Variants in TTC27 observed in about 807,000 individuals in gnomAD.
TTC27 encodes tetratricopeptide repeat domain 27.
A neutral mutation model predicts 115.9 loss-of-function variants in TTC27; 79 were observed. The observed-to-expected ratio is 0.68, with a 90% CI of 0.57 to 0.82. TTC27 has a LOEUF of 0.82. TTC27 is among the 40% of genes least tolerant of loss of function. The probability of loss-of-function intolerance (pLI) is 0.00; values close to 1 mark genes in which losing one functional copy is unlikely to be tolerated. For missense variants in TTC27, 1,054 were observed against 993.1 expected (o/e 1.06, Z -0.82); for synonymous variants, 401 against 356.0 (o/e 1.13, Z -1.42).
intron 10 of TTC27, among the ~76,000 whole-genome samples, chr2:32,721,881 G>A (rs1353659884): frequency 6.6e-6 from 1 of 152,090 alleles, no homozygotes; most frequent in African/African-American, 2.4e-5. Flanking sequence ...ACTTCCCAAA[G>A]CACTGGGATT....
chr2:32,695,651 G>A (rs577181348), intron 9 of TTC27, among the ~76,000 whole-genome samples: 2 of 150,636 alleles, frequency 1.3e-5, no homozygotes, highest in Non-Finnish European at 3.0e-5. Flanking sequence ...CCCTGGAGGC[G>A]GAGGTTGCAG....
intron 3 of TTC27, among the ~76,000 whole-genome samples, chr2:32,637,352 G>C (rs971387664): frequency 2.7e-5 from 4 of 150,940 alleles, no homozygotes; most frequent in Admixed American, 2.6e-4. Context: ...TTTTTTTTCA[G>C]ACGGAGTCTC....
chr2:32,715,044 A>T (rs973437365), intron 10 of TTC27, among the ~76,000 whole-genome samples: 8 of 151,820 alleles, frequency 5.3e-5, no homozygotes, highest in African/African-American at 1.9e-4. Context: ...TACTCTGTTG[A>T]TTGTTTTGTT....
chr2:32,735,146 T>A (rs917998818), intron 11 of TTC27, among the ~76,000 whole-genome samples: 2 of 152,228 alleles, frequency 1.3e-5, no homozygotes, highest in African/African-American at 4.8e-5. Flanking sequence ...TAGGTTATAT[T>A]CTTAAACACA....
At chr2:32,648,054 C>A (rs1406430849) in intron 4 of TTC27, among the ~76,000 whole-genome samples, 1 of 152,024 alleles carries the variant, frequency 6.6e-6, no homozygotes, top group Non-Finnish European at 1.5e-5. Flanking sequence ...GGAATGTAAA[C>A]CTTTGTCACT....
chr2:32,672,506 A>G, intron 8 of TTC27, 122 bp downstream of exon 8: 1 of 666,438 alleles, frequency 1.5e-6, no homozygotes, highest in Non-Finnish European at 2.6e-6. Context: ...TGTAGTGCTT[A>G]TGAAGATCAG....
chr2:32,752,560 C>A (rs1250201910), intron 12 of TTC27, among the ~76,000 whole-genome samples: 2 of 152,198 alleles, frequency 1.3e-5, no homozygotes, highest in African/African-American at 2.4e-5. Context: ...CTTTTTCTCT[C>A]TGGTCTAGCA....
intron 10 of TTC27, among the ~76,000 whole-genome samples, chr2:32,732,098 T>C (rs1202410155): frequency 6.6e-6 from 1 of 152,224 alleles, no homozygotes; most frequent in Non-Finnish European, 1.5e-5. Flanking sequence ...ATCCCTTCTC[T>C]ATGAAGTAAT....
At chr2:32,766,503 A>C (rs1351038665) in intron 13 of TTC27, 1 of 456,834 alleles carries the variant, frequency 2.2e-6, no homozygotes. Context: ...AGAAGATAGG[A>C]GAGTAGCTGG....
At chr2:32,653,291 G>A (rs1306622779) in intron 5 of TTC27, among the ~76,000 whole-genome samples, 4 of 152,034 alleles carry the variant, frequency 2.6e-5, no homozygotes, top group Non-Finnish European at 5.9e-5. Context: ...TTGTTTCCAC[G>A]TTGAAAGAGT....
intron 10 of TTC27, among the ~76,000 whole-genome samples, chr2:32,721,336 T>C (rs1033840875): frequency 1.3e-5 from 2 of 152,174 alleles, no homozygotes; most frequent in African/African-American, 4.8e-5. Flanking sequence ...AAATTGGCTA[T>C]TATAACTGAG....
At chr2:32,728,995 A>G (rs1352961135) in intron 10 of TTC27, among the ~76,000 whole-genome samples, 4 of 56,108 alleles carry the variant, frequency 7.1e-5, no homozygotes, top group Admixed American at 5.8e-4. Flanking sequence ...CCATCTTCCT[A>G]TACACACACA....
intron 12 of TTC27, among the ~76,000 whole-genome samples, chr2:32,740,740 C>T (rs1668605147): frequency 6.6e-6 from 1 of 152,174 alleles, no homozygotes; most frequent in South Asian, 2.1e-4. Context: ...CTGCAACCTC[C>T]ACCTCCTGGG....
chr2:32,646,710 C>T (rs774670524), intron 4 of TTC27, among the ~76,000 whole-genome samples: 2 of 151,484 alleles, frequency 1.3e-5, no homozygotes, highest in Non-Finnish European at 1.5e-5. Flanking sequence ...ACTACAGGCT[C>T]CCACCAGTAC....
chr2:32,770,394 A>G (rs1669786649), intron 13 of TTC27, among the ~76,000 whole-genome samples: 1 of 152,234 alleles, frequency 6.6e-6, no homozygotes, highest in Non-Finnish European at 1.5e-5. Flanking sequence ...TTCTGATTCC[A>G]GAGCTCTTGC....
rs182330181 is a variant in TTC27 at position 32,782,287 on chromosome 2, A to C, written c.1780-339A>C. ...GCAAAAATTTTTAAGATAGGAAAAA[A>C]CAGTATACTGCATTGCCTTTTTTGT... On this transcript the variant is annotated intron_variant, in intron 14 of 19. Transcript: ENST00000317907. Among the ~76,000 whole-genome samples, 307 of 152,256 alleles carry C rather than the reference A, an allele frequency of 2.0e-3. 1 individual carries two copies. Among genetic ancestry groups the C allele is most frequent in the Non-Finnish European group, 3.2e-3 (220 of 68,006 alleles).
At chr2:32,783,214 T>A (rs1415194102) in intron 15 of TTC27, among the ~76,000 whole-genome samples, 1 of 152,110 alleles carries the variant, frequency 6.6e-6, no homozygotes, top group Non-Finnish European at 1.5e-5. Flanking sequence ...AGCACACTTA[T>A]TATGTGCCAG....
chr2:32,767,034 G>A (rs753963081), intron 13 of TTC27, among the ~76,000 whole-genome samples: 14 of 152,084 alleles, frequency 9.2e-5, no homozygotes, highest in African/African-American at 2.4e-4. Flanking sequence ...GATCTGCCCC[G>A]CTTGACCTTC....
At chr2:32,712,637 G>A (rs917802264) in intron 10 of TTC27, among the ~76,000 whole-genome samples, 1 of 151,500 alleles carries the variant, frequency 6.6e-6, no homozygotes, top group Non-Finnish European at 1.5e-5. Context: ...TCGGGACTGC[G>A]ATCTCCACCT....
Sources: gnomAD v4.1 joint callset for allele counts (sites outside exome capture counted in the v4.1 genomes callset) on GRCh38, gnomAD v4.1.1 for gene constraint, MANE v1.5 for transcripts, NCBI Gene and HGNC (gene_info 2026-07-23, HGNC 2026-07-21) for gene names.